Variants in SMARCC1 observed in about 807,000 individuals in gnomAD.
SMARCC1 encodes SWI/SNF related BAF chromatin remodeling complex subunit C1.
Under a neutral mutation model 147.4 loss-of-function variants are expected in SMARCC1, and 43 were observed. The observed-to-expected ratio is 0.29, with a 90% confidence interval of 0.23 to 0.38. The LOEUF (loss-of-function observed/expected upper bound fraction) is 0.38. Ranked by LOEUF, SMARCC1 falls within the 10% of genes least tolerant of loss-of-function variation. The pLI is 1.00. For synonymous variants in SMARCC1, 495 were observed against 484.4 expected (o/e 1.02, Z -0.29); for missense variants, 1,119 against 1,381.1 (o/e 0.81, Z 3.01).
intron 21 of SMARCC1, among the ~76,000 whole-genome samples, chr3:47,658,897 A>C (rs1222126475): frequency 6.6e-6 from 1 of 152,108 alleles, no homozygotes; most frequent in Non-Finnish European, 1.5e-5. Context: ...AGGCGGGTGG[A>C]TCACAAGGTC....
At chr3:47,774,607 C>T (rs1006119444) in intron 1 of SMARCC1, among the ~76,000 whole-genome samples, 4 of 151,708 alleles carry the variant, frequency 2.6e-5, no homozygotes, top group African/African-American at 7.3e-5. Context: ...TTAGTAGAGA[C>T]GGGGTTTCAC....
At position 47,701,345 on chromosome 3, in the gene SMARCC1, ATCT is replaced by A. The variant is rs760099381; in HGVS notation, c.1095_1097del (p.Glu365del). ...TTGGGTCTTCCATATCCTTGGTTAG[ATCT>A]TCTTGCTCATCTTCCTCTTTCTGAC... On this transcript the variant is annotated inframe_deletion, in exon 11 of 28. Coordinates refer to ENST00000254480, the MANE Select transcript of SMARCC1 (RefSeq NM_003074.4). 5.2e-5 allele frequency: 84 copies of A among 1,613,358 alleles called. No individual in the cohort carries two copies. Among genetic ancestry groups the A allele is most frequent in the African/African-American group, 1.3e-4 (10 of 75,024 alleles).
At chr3:47,743,820 A>C (rs1174253566) in intron 3 of SMARCC1, among the ~76,000 whole-genome samples, 2 of 152,056 alleles carry the variant, frequency 1.3e-5, no homozygotes, top group Non-Finnish European at 2.9e-5. Context: ...CTCAAAAAAA[A>C]AAAAAAAAAA....
In SMARCC1 at chr3:47,670,680, T is replaced by G; in HGVS notation, c.1877A>C (p.Gln626Pro). Reference sequence around the variant, plus strand: ...TACCTCCAGGAGTAGAAGGGTCTCCTGTTCAGTCCATTCTCTTCCAGCACT... The same window carrying G: ...TACCTCCAGGAGTAGAAGGGTCTCCGGTTCAGTCCATTCTCTTCCAGCACT... Reference protein sequence around the residue: ...GASAGREWTEQETLLLLEALE... With the variant: ...GASAGREWTEPETLLLLEALE... Residue 626 changes from glutamine (Q) to proline (P), a missense_variant, in exon 19 of 28, where the codon CAG becomes CCG. Gln to Pro is a moderately conservative substitution (Grantham distance 76). Transcript: ENST00000254480. The G allele has an allele frequency of 6.3e-7, 1 of 1,591,920 alleles. No individual in the cohort carries two copies. Among genetic ancestry groups the G allele is most frequent in the East Asian group, 2.2e-5 (1 of 44,770 alleles).
At chr3:47,670,920 T>C (rs1375885593) in intron 18 of SMARCC1, among the ~76,000 whole-genome samples, 1 of 151,768 alleles carries the variant, frequency 6.6e-6, no homozygotes, top group Admixed American at 6.6e-5. Flanking sequence ...GCGTGGTAGC[T>C]CCTGCCTGTA....
intron 26 of SMARCC1, among the ~76,000 whole-genome samples, chr3:47,609,475 C>T (rs10865949): frequency 0.27 from 40,633 of 150,104 alleles, 6,616 homozygotes; most frequent in East Asian, 0.43. Flanking sequence ...CCAGCCTGGG[C>T]GACAGAGCGA....
At chr3:47,616,312 T>G (rs2032644770) in intron 25 of SMARCC1, among the ~76,000 whole-genome samples, 1 of 152,222 alleles carries the variant, frequency 6.6e-6, no homozygotes, top group Non-Finnish European at 1.5e-5. Context: ...TGAACTGGAA[T>G]GCTTTTCTCA....
At chr3:47,630,378 T>C (rs2032870662) in intron 24 of SMARCC1, among the ~76,000 whole-genome samples, 1 of 152,192 alleles carries the variant, frequency 6.6e-6, no homozygotes, top group African/African-American at 2.4e-5. Flanking sequence ...ACTTGCCCTG[T>C]CACTCACCTA....
chr3:47,730,167 G>A (rs1035543854), intron 5 of SMARCC1, among the ~76,000 whole-genome samples: 16 of 151,652 alleles, frequency 1.1e-4, no homozygotes, highest in African/African-American at 9.7e-5. Flanking sequence ...GTGAGACTCC[G>A]TCTCAAAAAA....
intron 27 of SMARCC1, 79 bp from the exon 28 acceptor site, chr3:47,588,385 G>C: frequency 7.4e-7 from 1 of 1,344,060 alleles, no homozygotes; most frequent in South Asian, 1.2e-5. Context: ...GTGAAAAAAA[G>C]ACACAGAAGT....
intron 18 of SMARCC1, 99 bp from the exon 19 acceptor site, chr3:47,670,816 A>C: frequency 1.3e-6 from 1 of 774,648 alleles, no homozygotes; most frequent in East Asian, 2.5e-5. Flanking sequence ...TGTTACGCAA[A>C]CTATCATGGT....
At chr3:47,708,314 T>G (rs2034041848) in intron 9 of SMARCC1, among the ~76,000 whole-genome samples, 1 of 151,934 alleles carries the variant, frequency 6.6e-6, no homozygotes, top group African/African-American at 2.4e-5. Flanking sequence ...CTAATTTTTG[T>G]ATTTTTTGCA....
chr3:47,720,520 AAC>A (rs2034219566), intron 7 of SMARCC1, 144 bp downstream of exon 7: 7 of 626,422 alleles, frequency 1.1e-5, no homozygotes, highest in South Asian at 2.2e-5. Context: ...TAAATAAGAA[AAC>A]AGTCAATAAA....
rs2032373590 is a variant in SMARCC1 at position 47,600,998 on chromosome 3, T to TGAGAGAGATAGAGAGAGAGA, written c.3043+9067_3043+9068insTCTCTCTCTCTATCTCTCTC. ...CCAGCAGACAGGGAGAGGAAGAAAATGAGAGAGAGAGAGAGAGAGAGAGAG... is the reference window on the plus strand; with the variant it reads ...CCAGCAGACAGGGAGAGGAAGAAAATGAGAGAGATAGAGAGAGAGAGAGAGAGAGAGAGAGAGAGAGAGAG... On this transcript the variant is annotated intron_variant, in intron 26 of 27. Coordinates refer to ENST00000254480, the MANE Select transcript of SMARCC1 (RefSeq NM_003074.4). 4.2e-4 allele frequency among the ~76,000 whole-genome samples: 36 copies of TGAGAGAGATAGAGAGAGAGA among 85,198 alleles called. 2 individuals carry two copies. Among genetic ancestry groups the TGAGAGAGATAGAGAGAGAGA allele is most frequent in the African/African-American group, 1.8e-3 (36 of 19,570 alleles). The allele number at this position is 85,198 out of a possible 152,430, so 55.9% of individuals were successfully genotyped here.
chr3:47,682,001 T>C (rs1028373528), intron 14 of SMARCC1, among the ~76,000 whole-genome samples: 1 of 152,116 alleles, frequency 6.6e-6, no homozygotes, highest in Admixed American at 6.5e-5. Context: ...TAATCTTACA[T>C]AGTTATTTAC....
chr3:47,594,575 G>A (rs1178659134), intron 26 of SMARCC1, among the ~76,000 whole-genome samples: 1 of 152,180 alleles, frequency 6.6e-6, no homozygotes, highest in Admixed American at 6.5e-5. Flanking sequence ...CGAGGGATGA[G>A]TGCACATAAA....
intron 19 of SMARCC1, chr3:47,663,513 A>C: frequency 1.3e-6 from 1 of 746,320 alleles, no homozygotes; most frequent in East Asian, 2.5e-5. Flanking sequence ...CAGGGGGCTG[A>C]GGCGAGAGGA....
chr3:47,653,338 C>A (rs2033218506), intron 21 of SMARCC1, among the ~76,000 whole-genome samples: 1 of 152,182 alleles, frequency 6.6e-6, no homozygotes. Flanking sequence ...AGGTTAATGA[C>A]AGGAACCCAA....
intron 22 of SMARCC1, 120 bp downstream of exon 22, chr3:47,638,605 G>C: frequency 1.4e-6 from 1 of 728,118 alleles, no homozygotes; most frequent in Non-Finnish European, 2.5e-6. Flanking sequence ...AACCAGCAAA[G>C]TCCAAGTAGC....
Sources: gnomAD v4.1 joint callset for allele counts (sites outside exome capture counted in the v4.1 genomes callset) on GRCh38, gnomAD v4.1.1 for gene constraint, MANE v1.5 for transcripts, NCBI Gene and HGNC (gene_info 2026-07-23, HGNC 2026-07-21) for gene names.